The following GULP1 variants were observed in gnomAD, a reference collection of about 807,000 sequenced individuals.
GULP1 encodes PTB domain-containing engulfment adapter protein 1.
In GULP1, 19 loss-of-function variants were observed where a neutral mutation model predicts 40.9. The observed-to-expected ratio is 0.46, with a 90% confidence interval of 0.32 to 0.68. The LOEUF (loss-of-function observed/expected upper bound fraction) is 0.68, where lower values mean the gene tolerates loss of function less well. Ranked by LOEUF, GULP1 falls within the 30% of genes least tolerant of loss-of-function variation. The pLI is 0.03. For missense variants in GULP1, 312 were observed against 362.2 expected (o/e 0.86, Z 1.12); for synonymous variants, 119 against 117.6 (o/e 1.01, Z -0.08).
At chr2:188,573,437 A>G (rs564105342) in intron 9 of GULP1, among the ~76,000 whole-genome samples, 1 of 152,342 alleles carries the variant, frequency 6.6e-6, no homozygotes, top group Non-Finnish European at 1.5e-5. Flanking sequence ...ATGTGAATTT[A>G]AAATATTTAA....
chr2:188,587,856 A>G lies in GULP1; in HGVS notation c.750A>G (p.Lys250=). ...PPVPSRSTEI[K]RDLFGAEPFD... is the part of the protein sequence containing the mutation. ...ACTAAATTATTTCCTTCCTTGCAGAACGGGACCTGTTTGGAGCAGAACCTT... is the reference window on the plus strand; with the variant it reads ...ACTAAATTATTTCCTTCCTTGCAGAGCGGGACCTGTTTGGAGCAGAACCTT... Residue 250 remains lysine (K), a splice_region_variant and synonymous_variant, in exon 11 of 12, where the codon AAA becomes AAG. Coordinates refer to ENST00000409830, the MANE Select transcript of GULP1 (RefSeq NM_016315.4). 6.3e-7 allele frequency: 1 copy of G among 1,577,548 alleles called. No homozygotes were observed. Among genetic ancestry groups the G allele is most frequent in the Non-Finnish European group, 8.7e-7 (1 of 1,149,596 alleles).
intron 4 of GULP1, among the ~76,000 whole-genome samples, chr2:188,501,597 C>A (rs1047308798): frequency 6.6e-6 from 1 of 151,874 alleles, no homozygotes; most frequent in Non-Finnish European, 1.5e-5. Flanking sequence ...GGTATGAGAC[C>A]TCTAAGACCT....
chr2:188,569,790 C>A (rs1318865325), intron 8 of GULP1: 11 of 383,368 alleles, frequency 2.9e-5, no homozygotes, highest in East Asian at 5.7e-5. Flanking sequence ...CAAGAAAACA[C>A]AATGTTGAGA....
At chr2:188,516,030 T>G (rs185623751) in intron 4 of GULP1, among the ~76,000 whole-genome samples, 26 of 152,320 alleles carry the variant, frequency 1.7e-4, no homozygotes, top group Admixed American at 1.7e-3. Flanking sequence ...CATTTTGCTT[T>G]CCTGTCTTTT....
At chr2:188,481,480 C>T (rs1216448512) in intron 3 of GULP1, among the ~76,000 whole-genome samples, 2 of 151,786 alleles carry the variant, frequency 1.3e-5, no homozygotes, top group African/African-American at 2.4e-5. Context: ...AATATGGATG[C>T]AGATTTTTGT....
chr2:188,570,017 T>C lies in GULP1; in HGVS notation c.517-11T>C. The C allele has an allele frequency of 9.7e-7, 1 of 1,035,532 alleles. No individual in the cohort carries two copies. Among genetic ancestry groups the C allele is most frequent in the Non-Finnish European group, 1.5e-6 (1 of 685,006 alleles). The allele number at this position is 1,035,532 out of a possible 1,614,324, so 64.1% of individuals were successfully genotyped here. A position where few individuals can be genotyped will look rare whatever the true frequency, so the allele number is the denominator to read the frequency against. The stretch of plus-strand genomic sequence containing the variant: ...AAACAGAAAGTTATTCAATAATGAT[T>C]TTCTTTTTAGATCCAAGACTTAGAA... On this transcript the variant is annotated splice_polypyrimidine_tract_variant and intron_variant, in intron 8 of 11. Coordinates refer to ENST00000409830, the MANE Select transcript of GULP1 (RefSeq NM_016315.4).
At chr2:188,487,714 A>G (rs532182737) in intron 4 of GULP1, among the ~76,000 whole-genome samples, 10 of 152,162 alleles carry the variant, frequency 6.6e-5, no homozygotes, top group South Asian at 2.1e-4. Context: ...CTAATCAACA[A>G]CAAAATAAAA....
intron 6 of GULP1, among the ~76,000 whole-genome samples, chr2:188,537,436 T>C (rs1392723123): frequency 6.6e-6 from 1 of 152,126 alleles, no homozygotes; most frequent in Non-Finnish European, 1.5e-5. Flanking sequence ...CTTCTGTTGA[T>C]ATGATCATAT....
chr2:188,315,809 T>C (rs1408999051), intron 1 of GULP1, among the ~76,000 whole-genome samples: 1 of 152,042 alleles, frequency 6.6e-6, no homozygotes, highest in Admixed American at 6.6e-5. Flanking sequence ...AGAACAATTA[T>C]GGTAATGTAC....
At chr2:188,385,449 G>A (rs1406267561) in intron 2 of GULP1, among the ~76,000 whole-genome samples, 2 of 152,042 alleles carry the variant, frequency 1.3e-5, no homozygotes, top group African/African-American at 2.4e-5. Flanking sequence ...AACCTCCGGG[G>A]TTGCCATGAA....
chr2:188,342,039 T>C (rs2043040569), intron 1 of GULP1, among the ~76,000 whole-genome samples: 1 of 152,220 alleles, frequency 6.6e-6, no homozygotes, highest in African/African-American at 2.4e-5. Flanking sequence ...ATAACAGTCC[T>C]AAAAGTCCAT....
intron 1 of GULP1, among the ~76,000 whole-genome samples, chr2:188,300,536 G>A (rs1339807852): frequency 6.6e-6 from 1 of 152,054 alleles, no homozygotes; most frequent in Non-Finnish European, 1.5e-5. Flanking sequence ...ATATGTACAA[G>A]TACAACAAAT....
chr2:188,349,137 GT>G (rs1347103525), intron 1 of GULP1, among the ~76,000 whole-genome samples: 2 of 152,078 alleles, frequency 1.3e-5, no homozygotes, highest in African/African-American at 4.8e-5. Context: ...ATCATGTTCT[GT>G]TTATGCATTC....
chr2:188,344,906 A>G (rs1311376799), intron 1 of GULP1, among the ~76,000 whole-genome samples: 3 of 152,260 alleles, frequency 2.0e-5, no homozygotes, highest in Non-Finnish European at 4.4e-5. Context: ...GAACAGTTAT[A>G]TCTTTCAAAA....
intron 4 of GULP1, among the ~76,000 whole-genome samples, chr2:188,518,642 A>G (rs1206578637): frequency 6.6e-6 from 1 of 152,140 alleles, no homozygotes; most frequent in African/African-American, 2.4e-5. Flanking sequence ...GCATGTGGAA[A>G]CTGGAAGATG....
In GULP1 at chr2:188,543,190, AT is replaced by A. The variant is rs533354453; in HGVS notation, c.399+1874del. The stretch of plus-strand genomic sequence containing the variant: ...CATGTACCCTAAAACTTAAAGTATA[AT>A]TAAAAAAATAAATAAAAAAAGATTG... On this transcript the variant is annotated intron_variant, in intron 7 of 11. Coordinates refer to ENST00000409830, the MANE Select transcript of GULP1 (RefSeq NM_016315.4). Among the ~76,000 whole-genome samples, 147 of 152,126 alleles carry A rather than the reference AT, an allele frequency of 9.7e-4. 2 individuals are homozygous for A. The Middle Eastern group carries it at 0.017, about 18-fold the overall frequency.
intron 1 of GULP1, among the ~76,000 whole-genome samples, chr2:188,329,932 G>A (rs970016395): frequency 3.3e-5 from 5 of 152,142 alleles, no homozygotes; most frequent in Non-Finnish European, 7.4e-5. Context: ...GTCATTGGAG[G>A]AAGAGTTTAG....
intron 7 of GULP1, among the ~76,000 whole-genome samples, chr2:188,566,260 G>A (rs1015800756): frequency 6.6e-6 from 1 of 151,996 alleles, no homozygotes; most frequent in African/African-American, 2.4e-5. Flanking sequence ...TTACAAAATT[G>A]CAGTTTCATC....
intron 1 of GULP1, among the ~76,000 whole-genome samples, chr2:188,303,097 T>C (rs556003818): frequency 6.6e-6 from 1 of 152,338 alleles, no homozygotes; most frequent in Admixed American, 6.5e-5. Context: ...TATAAAACTC[T>C]AGTTCACTGG....
Sources: gnomAD v4.1 joint callset for allele counts (sites outside exome capture counted in the v4.1 genomes callset) on GRCh38, gnomAD v4.1.1 for gene constraint, MANE v1.5 for transcripts, NCBI Gene and HGNC (gene_info 2026-07-23, HGNC 2026-07-21) for gene names.